The following NALCN variants were observed in gnomAD, a reference collection of about 807,000 sequenced individuals.
NALCN encodes sodium leak channel NALCN.
A neutral mutation model predicts 225.3 loss-of-function variants in NALCN; 111 were observed. The ratio of observed to expected loss-of-function variants is 0.49; its 90% confidence interval spans 0.42 to 0.58. The LOEUF is 0.58. NALCN is among the 20% of genes least tolerant of loss of function. The pLI is 0.00. For missense variants in NALCN, 1,378 were observed against 2,202.4 expected, an observed-to-expected ratio of 0.63 and a Z score of 7.49; for synonymous variants, 764 against 769.0, an observed-to-expected ratio of 0.99 and a Z score of 0.11.
intron 6 of NALCN, among the ~76,000 whole-genome samples, chr13:101,360,039 C>A (rs115871374): frequency 2.0e-5 from 3 of 151,560 alleles, no homozygotes; most frequent in African/African-American, 7.3e-5. Flanking sequence ...GATACCCAGT[C>A]TCAGTTTTTC....
chr13:101,363,253 T>C (rs2046296989), intron 6 of NALCN, among the ~76,000 whole-genome samples: 1 of 151,932 alleles, frequency 6.6e-6, no homozygotes, highest in Non-Finnish European at 1.5e-5. Flanking sequence ...AAATTTATAT[T>C]AAAACACAAA....
In NALCN at chr13:101,408,804, G is replaced by A. The variant is rs554484402; in HGVS notation, c.-40+7509C>T. On this transcript the variant is annotated intron_variant, in intron 1 of 43. Transcript: ENST00000251127. ...GCAAAAAACAGAATTTTGCATGCAT[G>A]GTCCAGTCCCAGCAGACTTCAAGGG... Among the ~76,000 whole-genome samples the A allele has an allele frequency of 3.9e-5, 6 of 152,224 alleles. No homozygotes were observed. In the South Asian group the frequency reaches 1.2e-3, roughly 32 times the overall value.
intron 26 of NALCN, 75 bp downstream of exon 26, chr13:101,103,097 G>T: frequency 1.3e-6 from 2 of 1,524,360 alleles, no homozygotes; most frequent in African/African-American, 1.4e-5. Context: ...CAATAAGCAA[G>T]ACTCACTTTT....
intron 12 of NALCN, among the ~76,000 whole-genome samples, chr13:101,230,674 T>C (rs1291249681): frequency 6.6e-6 from 1 of 152,206 alleles, no homozygotes; most frequent in Non-Finnish European, 1.5e-5. Flanking sequence ...ACAGGTCCTG[T>C]CCAACCCGAC....
At chr13:101,182,220 A>C (rs568455065) in intron 14 of NALCN, among the ~76,000 whole-genome samples, 20 of 152,046 alleles carry the variant, frequency 1.3e-4, no homozygotes, top group African/African-American at 4.1e-4. Context: ...TCCTTGGGAT[A>C]AACAGAGAAA....
At position 101,259,751 on chromosome 13, in the gene NALCN, T is replaced by TATATATATATATAC. The variant is rs10622707; in HGVS notation, c.1135-1178_1135-1177insGTATATATATATAT. 9.9e-4 allele frequency among the ~76,000 whole-genome samples: 131 copies of TATATATATATATAC among 131,930 alleles called. 2 individuals carry two copies. In the East Asian group the frequency reaches 0.021, roughly 21 times the overall value. 86.6% of individuals were successfully genotyped at this position (131,930 alleles called of 152,430 possible). ...GTAAGTGTATATATATATATATATA[T>TATATATATATATAC]ACACACACACATAAATATATATATA... On this transcript the variant is annotated intron_variant, in intron 10 of 43. Transcript: ENST00000251127.
Position 101,104,784 on chromosome 13 carries a change from A to G in NALCN, c.2636+110T>C. 1 of 1,530,610 alleles carries G rather than the reference A, an allele frequency of 6.5e-7. No individual in the cohort carries two copies. The highest frequency in any genetic ancestry group is 9.0e-7 in the Non-Finnish European group (1 of 1,114,410). 94.8% of individuals were successfully genotyped at this position (1,530,610 alleles called of 1,614,324 possible). A position where few individuals can be genotyped will look rare whatever the true frequency, so the allele number is the denominator to read the frequency against. ...ACATCATTCCCCAATCATCTATTTC[A>G]TAGCACTATATAGCAAGAAAATAAA... On this transcript the variant is annotated intron_variant, in intron 23 of 43. Coordinates refer to ENST00000251127, the MANE Select transcript of NALCN (RefSeq NM_052867.4). This position sits in a 1 kb window ranked among gnomAD's most constrained non-coding sequence, Gnocchi z 4.2.
intron 7 of NALCN, among the ~76,000 whole-genome samples, chr13:101,337,324 T>G (rs146833970): frequency 8.1e-6 from 1 of 123,346 alleles, no homozygotes. Context: ...TTATTTATTT[T>G]TTGAGACAGA....
At chr13:101,163,165 A>G (rs2038270721) in intron 15 of NALCN, among the ~76,000 whole-genome samples, 2 of 152,244 alleles carry the variant, frequency 1.3e-5, no homozygotes, top group East Asian at 3.9e-4. Context: ...GGCTTCCCAA[A>G]GTGCTGGGAT....
At chr13:101,350,308 C>T (rs936299528) in intron 6 of NALCN, among the ~76,000 whole-genome samples, 1 of 152,116 alleles carries the variant, frequency 6.6e-6, no homozygotes, top group Non-Finnish European at 1.5e-5. Flanking sequence ...TTGGCCTTCT[C>T]CCAGCTCCTG....
intron 42 of NALCN, 61 bp from the exon 43 acceptor site, chr13:101,058,117 C>T: frequency 7.0e-7 from 1 of 1,429,850 alleles, no homozygotes; most frequent in Non-Finnish European, 9.5e-7. Context: ...CCTCCTTTTA[C>T]TATAAGAAAG....
Position 101,062,022 on chromosome 13 carries a change from C to T in NALCN, c.4701G>A (p.Val1567=), listed in dbSNP as rs765810707. ...EQLEYTIEEE[V]AKQTIRMWLK... ...GCCACATGCGGATGGTCTGCTTGGCCACCTCCTCCTCTATGGTGTACTCCA... is the reference window on the plus strand; with the variant it reads ...GCCACATGCGGATGGTCTGCTTGGCTACCTCCTCCTCTATGGTGTACTCCA... Residue 1567 remains valine, a synonymous_variant, in exon 41 of 44, where the codon GTG becomes GTA. Coordinates refer to ENST00000251127, the MANE Select transcript of NALCN (RefSeq NM_052867.4). 8 of 1,614,166 alleles carry T rather than the reference C, an allele frequency of 5.0e-6. No individual in the cohort carries two copies. The highest frequency in any genetic ancestry group is 3.4e-6 in the Non-Finnish European group (4 of 1,180,014).
rs548734563 is a variant in NALCN, at chr13:101,360,067, TTTTC to T, written c.645-14651_645-14648del. ...AGTTTTTCTTTTTCTCTTTCTTTCT[TTTTC>T]TTTCTTTCTTTCTCTTTCTTTCTTT... On this transcript the variant is annotated intron_variant, in intron 6 of 43. Coordinates refer to ENST00000251127, the MANE Select transcript of NALCN (RefSeq NM_052867.4). 2.5e-3 allele frequency among the ~76,000 whole-genome samples: 370 copies of T among 148,760 alleles called. 1 individual carries two copies. Among genetic ancestry groups the T allele is most frequent in the African/African-American group, 6.2e-3 (251 of 40,174 alleles).
chr13:101,069,436 TAACA>T (rs893643266), intron 37 of NALCN, among the ~76,000 whole-genome samples: 1 of 152,232 alleles, frequency 6.6e-6, no homozygotes, highest in African/African-American at 2.4e-5. Flanking sequence ...TAAGAAAAGC[TAACA>T]ATCATGTGAG....
At chr13:101,162,822 C>T (rs531060888) in intron 15 of NALCN, among the ~76,000 whole-genome samples, 6 of 152,348 alleles carry the variant, frequency 3.9e-5, no homozygotes, top group South Asian at 4.1e-4. Context: ...TACAGTTAAG[C>T]AGTGGGTGGT....
At chr13:101,370,178 T>C (rs979551975) in intron 6 of NALCN, among the ~76,000 whole-genome samples, 8 of 152,170 alleles carry the variant, frequency 5.3e-5, no homozygotes, top group Non-Finnish European at 1.2e-4. Flanking sequence ...ACCTTTCTCA[T>C]ACGTGTCCTC....
At chr13:101,233,639 C>T (rs1490003872) in intron 12 of NALCN, among the ~76,000 whole-genome samples, 1 of 152,042 alleles carries the variant, frequency 6.6e-6, no homozygotes, top group Non-Finnish European at 1.5e-5. Flanking sequence ...TGCGCCCAGC[C>T]GGGAAGAAGA....
At chr13:101,097,107 G>A (rs997539557) in intron 27 of NALCN, among the ~76,000 whole-genome samples, 1 of 151,964 alleles carries the variant, frequency 6.6e-6, no homozygotes, top group Non-Finnish European at 1.5e-5. Flanking sequence ...TAATGCCAAC[G>A]TTACTTCTTT....
At position 101,104,471 on chromosome 13, in the gene NALCN, A is replaced by G. The variant is rs760509528; in HGVS notation, c.2758-45T>C. 6 of 1,612,678 alleles carry G rather than the reference A, an allele frequency of 3.7e-6. No homozygotes were observed. The highest frequency in any genetic ancestry group is 5.1e-6 in the Non-Finnish European group (6 of 1,179,006). On this transcript the variant is annotated intron_variant, in intron 24 of 43. Transcript: ENST00000251127. This position sits in a 1 kb window ranked among gnomAD's most constrained non-coding sequence, Gnocchi z 4.2. ...GTTTGGTTACAATGAACGGAAAAAC[A>G]GCAGGTCAGTATTTTACCTCCTAGT... is the stretch of plus-strand genomic sequence containing the variant.
Sources: gnomAD v4.1 joint callset for allele counts (sites outside exome capture counted in the v4.1 genomes callset) on GRCh38, gnomAD v4.1.1 for gene constraint, Gnocchi (gnomAD v3.1) non-coding constraint, MANE v1.5 for transcripts, NCBI Gene and HGNC (gene_info 2026-07-23, HGNC 2026-07-21) for gene names.